Variants in FOXP1 observed in about 807,000 individuals in gnomAD.
FOXP1 encodes forkhead box P1, also known as forkhead box protein P1.
FOXP1 carries 15 observed loss-of-function variants against 98.2 expected under a neutral mutation model. The observed-to-expected ratio is 0.15, with a 90% CI of 0.10 to 0.24. The LOEUF is 0.24. FOXP1 is among the 10% of genes least tolerant of loss of function. The pLI, the probability that FOXP1 is intolerant of heterozygous loss-of-function variation, is 1.00. For missense variants in FOXP1, 633 were observed against 848.5 expected (o/e 0.75, Z 3.15); for synonymous variants, 371 against 314.5 (o/e 1.18, Z -1.90).
chr3:71,170,918 C>G (rs1336842430), intron 6 of FOXP1, among the ~76,000 whole-genome samples: 1 of 152,104 alleles, frequency 6.6e-6, no homozygotes, highest in Non-Finnish European at 1.5e-5. Context: ...GTCCGTCTTT[C>G]TTTTCTTCTT....
rs1463726720 is a variant in FOXP1, at chr3:70,957,654, C to T, written c.*1593G>A. 4.3e-6 allele frequency: 1 copy of T among 233,032 alleles called. No homozygotes were observed. Among genetic ancestry groups the T allele is most frequent in the African/African-American group, 2.2e-5 (1 of 45,310 alleles). The allele number at this position is 233,032 out of a possible 1,614,324, so 14.4% of individuals were successfully genotyped here. Reference sequence around the variant, plus strand: ...CTGAAGTGTGGAGGGGTTCTAAGGACTGAGGTTGTACTGACCTGTAACCAT... The same window carrying T: ...CTGAAGTGTGGAGGGGTTCTAAGGATTGAGGTTGTACTGACCTGTAACCAT... On this transcript the variant is annotated 3_prime_UTR_variant, in exon 21 of 21. Coordinates refer to ENST00000649528, the MANE Select transcript of FOXP1 (RefSeq NM_001349338.3).
chr3:71,297,804 C>T lies in FOXP1; in HGVS notation c.-12+2016G>A, dbSNP rs568319086. Among the ~76,000 whole-genome samples, 375 of 78,006 alleles carry T rather than the reference C, an allele frequency of 4.8e-3. 2 individuals carry two copies. Among genetic ancestry groups the T allele is most frequent in the African/African-American group, 0.014 (349 of 24,632 alleles). The allele number at this position is 78,006 out of a possible 152,430, so 51.2% of individuals were successfully genotyped here. On this transcript the variant is annotated intron_variant, in intron 5 of 20. Transcript: ENST00000649528. ...CTAATTTTTGTATTTTTAGTAGAGA[C>T]GGGGTTTCACCAGGTTGGTCTCGAA...
At chr3:71,189,378 A>C (rs1238663264) in intron 6 of FOXP1, among the ~76,000 whole-genome samples, 1 of 152,260 alleles carries the variant, frequency 6.6e-6, no homozygotes, top group East Asian at 1.9e-4. Context: ...TGTATTCATT[A>C]GTAACTGTCA....
rs527896721 is a variant in FOXP1 at position 71,583,446 on chromosome 3, T to G, written c.-447+125A>C. On this transcript the variant is annotated intron_variant, in intron 1 of 20. Coordinates refer to ENST00000649528, the MANE Select transcript of FOXP1 (RefSeq NM_001349338.3). Reference sequence around the variant, plus strand: ...TAGTTGTTTTTTTTTTTCCATTTTTTTTCTCTTTTTCTTTCTTTCTTTTTT... The same window carrying G: ...TAGTTGTTTTTTTTTTTCCATTTTTGTTCTCTTTTTCTTTCTTTCTTTTTT... The G allele has an allele frequency of 2.0e-4, 191 of 979,022 alleles. No homozygotes were observed. In the African/African-American group the frequency reaches 3.2e-3, roughly 17 times the overall value. 60.6% of individuals were successfully genotyped at this position (979,022 alleles called of 1,614,324 possible).
chr3:71,429,597 A>G (rs928416540), intron 3 of FOXP1, among the ~76,000 whole-genome samples: 1 of 152,176 alleles, frequency 6.6e-6, no homozygotes, highest in Non-Finnish European at 1.5e-5. Context: ...GCAAAACCTG[A>G]AAGAGTATTG....
intron 6 of FOXP1, among the ~76,000 whole-genome samples, chr3:71,166,299 G>C (rs1297805963): frequency 6.6e-6 from 1 of 152,178 alleles, no homozygotes; most frequent in Non-Finnish European, 1.5e-5. Context: ...GGTGACAAGA[G>C]CCGCTAGCGT....
intron 6 of FOXP1, among the ~76,000 whole-genome samples, chr3:71,170,727 G>A (rs551575895): frequency 2.0e-5 from 3 of 152,138 alleles, no homozygotes; most frequent in East Asian, 1.9e-4. Flanking sequence ...TATTTGTTTC[G>A]CATAAGCTGT....
At chr3:71,140,856 G>A (rs571001751) in intron 6 of FOXP1, among the ~76,000 whole-genome samples, 5 of 152,140 alleles carry the variant, frequency 3.3e-5, no homozygotes, top group East Asian at 1.9e-4. Context: ...TGGGGCAACC[G>A]TAGTCCTAGC....
At position 71,323,019 on chromosome 3, in the gene FOXP1, G is replaced by A. The variant is rs2075482794; in HGVS notation, c.-72-23139C>T. 2.0e-5 allele frequency among the ~76,000 whole-genome samples: 3 copies of A among 150,276 alleles called. No homozygotes were observed. The South Asian group carries it at 6.4e-4, about 32-fold the overall frequency. ...GGAGTCTTGCTCTGTTACCCTGGCTGGAGTGCAGTGGCGTTATCTTGGCTC... is the reference window on the plus strand; with the variant it reads ...GGAGTCTTGCTCTGTTACCCTGGCTAGAGTGCAGTGGCGTTATCTTGGCTC... On this transcript the variant is annotated intron_variant, in intron 4 of 20. Coordinates refer to ENST00000649528, the MANE Select transcript of FOXP1 (RefSeq NM_001349338.3).
chr3:71,283,510 G>A (rs956168616), intron 5 of FOXP1, among the ~76,000 whole-genome samples: 7 of 152,186 alleles, frequency 4.6e-5, no homozygotes, highest in African/African-American at 1.7e-4. Context: ...CTACATGACG[G>A]TGTGTCCTCC....
chr3:71,174,155 C>T (rs2061794659), intron 6 of FOXP1, among the ~76,000 whole-genome samples: 1 of 152,116 alleles, frequency 6.6e-6, no homozygotes, highest in South Asian at 2.1e-4. Flanking sequence ...ACAGAAAGAA[C>T]AGCCTCCAAA....
At chr3:71,143,737 T>C (rs2060176757) in intron 6 of FOXP1, among the ~76,000 whole-genome samples, 2 of 152,070 alleles carry the variant, frequency 1.3e-5, no homozygotes. Flanking sequence ...CTACAAAAAA[T>C]AAAATAAAAT....
chr3:71,543,146 C>T (rs1425666493), intron 2 of FOXP1, among the ~76,000 whole-genome samples: 7 of 152,114 alleles, frequency 4.6e-5, no homozygotes, highest in South Asian at 2.1e-4. Context: ...ACCAAGTGGG[C>T]GGCATGCGAA....
chr3:71,089,868 C>CT (rs1284225507), intron 7 of FOXP1, among the ~76,000 whole-genome samples: 2 of 152,210 alleles, frequency 1.3e-5, no homozygotes, highest in Non-Finnish European at 2.9e-5. Context: ...GGATAGACAG[C>CT]AGACAGGCAG....
chr3:71,274,205 AG>A (rs1576703742), intron 5 of FOXP1, among the ~76,000 whole-genome samples: 1 of 152,200 alleles, frequency 6.6e-6, no homozygotes, highest in Non-Finnish European at 1.5e-5. Context: ...TAGTGTTCCC[AG>A]GCCTATAGGA....
chr3:71,096,236 T>C (rs763494929), intron 7 of FOXP1, among the ~76,000 whole-genome samples: 8 of 152,140 alleles, frequency 5.3e-5, no homozygotes, highest in Non-Finnish European at 1.0e-4. Flanking sequence ...AGACTTTAAG[T>C]TGGAAATGTA....
At chr3:71,086,798 T>G (rs2055151018) in intron 7 of FOXP1, among the ~76,000 whole-genome samples, 1 of 152,222 alleles carries the variant, frequency 6.6e-6, no homozygotes, top group Non-Finnish European at 1.5e-5. Flanking sequence ...ATCCATCACT[T>G]GCTTCCACTC....
intron 6 of FOXP1, among the ~76,000 whole-genome samples, chr3:71,148,386 T>TA (rs79235346): frequency 3.1e-4 from 46 of 149,782 alleles, no homozygotes; most frequent in African/African-American, 6.6e-4. Context: ...GTCTCAAAAA[T>TA]AAAAAAAAAA....
At chr3:71,537,217 T>C (rs1352889280) in intron 2 of FOXP1, among the ~76,000 whole-genome samples, 1 of 152,142 alleles carries the variant, frequency 6.6e-6, no homozygotes, top group Non-Finnish European at 1.5e-5. Flanking sequence ...GAAAGACAGA[T>C]GATCAAGGCA....
Sources: gnomAD v4.1 joint callset for allele counts (sites outside exome capture counted in the v4.1 genomes callset) on GRCh38, gnomAD v4.1.1 for gene constraint, MANE v1.5 for transcripts, NCBI Gene and HGNC (gene_info 2026-07-23, HGNC 2026-07-21) for gene names.